The following CAST variants were observed in gnomAD, a reference collection of about 807,000 sequenced individuals.
CAST encodes MIR583 host.
In CAST, 76 loss-of-function variants were observed where a neutral mutation model predicts 119.6. The observed-to-expected ratio is 0.64, with a 90% CI of 0.53 to 0.77. The LOEUF (loss-of-function observed/expected upper bound fraction) is 0.77, where lower values mean the gene tolerates loss of function less well. Among genes scored for constraint, CAST ranks in the 30% least tolerant of loss-of-function variants. The pLI, the probability that CAST is intolerant of heterozygous loss-of-function variation, is 0.00. For synonymous variants in CAST, 319 were observed against 331.6 expected (o/e 0.96, Z 0.41); for missense variants, 953 against 946.5 (o/e 1.01, Z -0.09).
intron 1 of CAST, among the ~76,000 whole-genome samples, chr5:96,545,600 C>A (rs1479967239): frequency 6.6e-6 from 1 of 152,170 alleles, no homozygotes; most frequent in East Asian, 1.9e-4. Flanking sequence ...CATATCAGGG[C>A]TGTGTTGGTC....
chr5:96,489,753 G>T, the CAST span, among the ~76,000 whole-genome samples: 1 of 152,088 alleles, frequency 6.6e-6, no homozygotes, highest in Non-Finnish European at 1.5e-5. Context: ...TAGACAATAG[G>T]CTCCAACAAC....
At chr5:96,140,284 C>A in the CAST span, among the ~76,000 whole-genome samples, 1 of 152,218 alleles carries the variant, frequency 6.6e-6, no homozygotes, top group South Asian at 2.1e-4. Flanking sequence ...GTGAAATCAA[C>A]ATTATTCCTG....
At chr5:96,246,925 C>G in the CAST span, among the ~76,000 whole-genome samples, 1 of 152,166 alleles carries the variant, frequency 6.6e-6, no homozygotes, top group South Asian at 2.1e-4. Context: ...AGTGTTAAAA[C>G]TCCACTTCTT....
the CAST span, among the ~76,000 whole-genome samples, chr5:96,058,260 A>AGGCAAT: frequency 6.6e-6 from 1 of 152,120 alleles, no homozygotes; most frequent in Non-Finnish European, 1.5e-5. Context: ...CTTCCCAGGG[A>AGGCAAT]CAGCCTTCAT....
chr5:96,152,487 G>T, the CAST span, among the ~76,000 whole-genome samples: 9 of 152,162 alleles, frequency 5.9e-5, no homozygotes, highest in African/African-American at 2.2e-4. Context: ...GGTCCTAGGA[G>T]AGGAAGACTG....
At chr5:96,638,855 TTA>T (rs1348159301) in intron 1 of CAST, among the ~76,000 whole-genome samples, 6 of 152,324 alleles carry the variant, frequency 3.9e-5, no homozygotes, top group Admixed American at 1.3e-4. Flanking sequence ...GAACAAACTT[TTA>T]CCACTGCAGA....
chr5:96,089,129 C>G, the CAST span, among the ~76,000 whole-genome samples: 1 of 150,506 alleles, frequency 6.6e-6, no homozygotes, highest in Admixed American at 6.6e-5. Flanking sequence ...ATAAATTTCC[C>G]CTCTTCGCAC....
intron 1 of CAST, chr5:96,663,307 C>T (rs1423083703): frequency 4.4e-6 from 3 of 686,114 alleles, no homozygotes; most frequent in Non-Finnish European, 8.0e-6. Flanking sequence ...GGTGCGACCT[C>T]CTCGCAGACC....
chr5:96,467,751 G>A, the CAST span, among the ~76,000 whole-genome samples: 7 of 151,938 alleles, frequency 4.6e-5, no homozygotes, highest in South Asian at 1.5e-3. Context: ...GCGTGGATGT[G>A]GTAACAAGAA....
the CAST span, among the ~76,000 whole-genome samples, chr5:96,232,503 T>A: frequency 1.3e-5 from 2 of 151,886 alleles, no homozygotes; most frequent in African/African-American, 4.8e-5. Context: ...CCTAAGAAAA[T>A]CTATGGAGAA....
chr5:96,495,581 T>C, the CAST span, among the ~76,000 whole-genome samples: 1 of 152,172 alleles, frequency 6.6e-6, no homozygotes, highest in African/African-American at 2.4e-5. Context: ...TCCATGTCCT[T>C]GCAAAGAACA....
chr5:96,362,821 A>G, the CAST span, among the ~76,000 whole-genome samples: 1 of 152,032 alleles, frequency 6.6e-6, no homozygotes, highest in South Asian at 2.1e-4. Flanking sequence ...TTTGCTGTGC[A>G]GAAGCTCTTT....
the CAST span, among the ~76,000 whole-genome samples, chr5:96,422,169 T>C: frequency 1.6e-4 from 23 of 145,008 alleles, no homozygotes; most frequent in African/African-American, 6.3e-4. Context: ...TGAGCCAGCA[T>C]TCAATTCTCA....
chr5:96,411,077 A>G, the CAST span: 2 of 925,508 alleles, frequency 2.2e-6, no homozygotes, highest in Non-Finnish European at 3.6e-6. Flanking sequence ...TACATGTGTG[A>G]AATTCTCAGA....
the CAST span, among the ~76,000 whole-genome samples, chr5:96,171,562 C>A: frequency 6.6e-5 from 10 of 152,220 alleles, no homozygotes; most frequent in African/African-American, 2.2e-4. Flanking sequence ...GGTGAATAAT[C>A]AGGCAGGTGT....
At chr5:96,550,402 A>T (rs1421723859) in intron 1 of CAST, among the ~76,000 whole-genome samples, 1 of 152,222 alleles carries the variant, frequency 6.6e-6, no homozygotes, top group Non-Finnish European at 1.5e-5. Flanking sequence ...CCAAAACCTC[A>T]TATGTAGGTC....
chr5:96,762,321 C>T lies in CAST; in HGVS notation c.1881C>T (p.Ser627=), dbSNP rs1768281584. 6.2e-7 allele frequency: 1 copy of T among 1,608,122 alleles called. No individual in the cohort carries two copies. Among genetic ancestry groups the T allele is most frequent in the African/African-American group, 1.3e-5 (1 of 74,712 alleles). The part of the protein sequence containing the change: ...KLAAAISEVV[S]QTPASTTQAG... Reference sequence around the variant, plus strand: ...CTGCTGCCATCTCTGAAGTGGTTTCCCAAACCCCAGCTTCAACGACCCAAG... The same window carrying T: ...CTGCTGCCATCTCTGAAGTGGTTTCTCAAACCCCAGCTTCAACGACCCAAG... The change falls in exon 25 of 32, where the codon TCC becomes TCT. Residue 627 remains serine, a synonymous_variant. Transcript: ENST00000675179.
chr5:96,190,529 A>G, the CAST span, among the ~76,000 whole-genome samples: 1 of 151,920 alleles, frequency 6.6e-6, no homozygotes, highest in Non-Finnish European at 1.5e-5. Context: ...TCCATTTCAC[A>G]TGTCCGCAGG....
the CAST span, among the ~76,000 whole-genome samples, chr5:96,157,910 C>T: frequency 2.0e-5 from 3 of 152,150 alleles, no homozygotes; most frequent in East Asian, 1.9e-4. Flanking sequence ...AATAAACATT[C>T]GTCTGAAGAA....
Sources: gnomAD v4.1 joint callset for allele counts (sites outside exome capture counted in the v4.1 genomes callset) on GRCh38, gnomAD v4.1.1 for gene constraint, MANE v1.5 for transcripts, NCBI Gene and HGNC (gene_info 2026-07-23, HGNC 2026-07-21) for gene names.